CACNA1D: variants seen among roughly 807,000 people sequenced by gnomAD.
CACNA1D encodes the protein calcium voltage-gated channel subunit alpha1 D.
CACNA1D carries 55 observed loss-of-function variants against 257.1 expected under a neutral mutation model. The observed-to-expected ratio is 0.21, with a 90% CI of 0.17 to 0.27. The LOEUF (loss-of-function observed/expected upper bound fraction) is 0.27, where lower values mean the gene tolerates loss of function less well. Among genes scored for constraint, CACNA1D ranks in the 10% least tolerant of loss-of-function variants. The pLI is 1.00. For synonymous variants in CACNA1D, 980 were observed against 1,014.9 expected, an observed-to-expected ratio of 0.97 and a Z score of 0.65; for missense variants, 1,876 against 2,784.0, an observed-to-expected ratio of 0.67 and a Z score of 7.34.
intron 3 of CACNA1D, among the ~76,000 whole-genome samples, chr3:53,520,857 T>C (rs1172747095): frequency 2.6e-5 from 2 of 77,914 alleles, no homozygotes; most frequent in Non-Finnish European, 4.9e-5. Flanking sequence ...CTCCTTTCTT[T>C]CTTTCTTTCT....
intron 3 of CACNA1D, among the ~76,000 whole-genome samples, chr3:53,507,072 CAAAAAAAAAAA>C (rs781421977): frequency 3.5e-5 from 2 of 56,706 alleles, no homozygotes; most frequent in East Asian, 5.1e-4. Context: ...GACTCTATCT[CAAAAAAAAAAA>C]AAAAAAAAAA....
At chr3:53,787,789 G>A (rs910960772) in intron 40 of CACNA1D, among the ~76,000 whole-genome samples, 1 of 152,170 alleles carries the variant, frequency 6.6e-6, no homozygotes, top group African/African-American at 2.4e-5. Context: ...GAAGGAGGCA[G>A]GGCAAAGAGG....
Position 53,495,061 on chromosome 3 carries a change from G to A in CACNA1D, c.-106G>A, listed in dbSNP as rs907635150. 6.2e-6 allele frequency: 4 copies of A among 640,536 alleles called. No individual in the cohort carries two copies. The African/African-American group carries it at 7.5e-5, about 12-fold the overall frequency. 39.7% of individuals were successfully genotyped at this position (640,536 alleles called of 1,614,324 possible). A position where few individuals can be genotyped will look rare whatever the true frequency, so the allele number is the denominator to read the frequency against. On this transcript the variant is annotated 5_prime_UTR_variant, in exon 1 of 48. Coordinates refer to ENST00000350061, the MANE Select transcript of CACNA1D (RefSeq NM_001128840.3). The surrounding 1 kb of genome is among the most constrained non-coding windows in gnomAD (Gnocchi z 5.1). ...CCCTGCTGAAGCGAGAATAAGGGCAGGGACCGCGGCTCCTACCTCTTGGTG... is the reference window on the plus strand; with the variant it reads ...CCCTGCTGAAGCGAGAATAAGGGCAAGGACCGCGGCTCCTACCTCTTGGTG...
intron 10 of CACNA1D, chr3:53,718,596 C>CCCCCCCCCCCCT: frequency 1.1e-6 from 1 of 951,842 alleles, no homozygotes; most frequent in Non-Finnish European, 1.6e-6. Flanking sequence ...CCCCGCCCCC[C>CCCCCCCCCCCCT]GGCCCAGCAT....
At chr3:53,657,817 A>T (rs571016235) in intron 4 of CACNA1D, among the ~76,000 whole-genome samples, 11 of 152,342 alleles carry the variant, frequency 7.2e-5, no homozygotes, top group African/African-American at 2.6e-4. Flanking sequence ...TTTTGTCAAG[A>T]TTCCCAATAG....
At chr3:53,626,423 C>T (rs1219872475) in intron 3 of CACNA1D, among the ~76,000 whole-genome samples, 1 of 152,124 alleles carries the variant, frequency 6.6e-6, no homozygotes, top group East Asian at 1.9e-4. Flanking sequence ...ATAACAGGTG[C>T]CGTGTGCATT....
intron 3 of CACNA1D, among the ~76,000 whole-genome samples, chr3:53,599,630 G>C (rs1576033717): frequency 6.6e-6 from 1 of 152,160 alleles, no homozygotes; most frequent in East Asian, 1.9e-4. Context: ...TTATAAAATG[G>C]GCATAATATC....
intron 3 of CACNA1D, among the ~76,000 whole-genome samples, chr3:53,502,052 C>CTTTTTTTTTTTTTTTTTTTTTT (rs750904996): frequency 7.4e-6 from 1 of 135,376 alleles, no homozygotes. Flanking sequence ...TTTTTCTTTT[C>CTTTTTTTTTTTTTTTTTTTTTT]TTTTTTTTTT....
At chr3:53,557,812 A>G (rs951994898) in intron 3 of CACNA1D, among the ~76,000 whole-genome samples, 1 of 152,082 alleles carries the variant, frequency 6.6e-6, no homozygotes, top group Non-Finnish European at 1.5e-5. Context: ...CCAGTTTCTT[A>G]TTTCTCAAAT....
rs754438931 is a variant in CACNA1D, at chr3:53,793,566, A to G, written c.4923+6614A>G. On this transcript the variant is annotated intron_variant, in intron 40 of 47. Coordinates refer to ENST00000350061, the MANE Select transcript of CACNA1D (RefSeq NM_001128840.3). The surrounding 1 kb of genome is among the most constrained non-coding windows in gnomAD (Gnocchi z 4.1). The stretch of plus-strand genomic sequence containing the variant: ...CATGTGCCTTCTCCACGCTCCTCAA[A>G]TAAGTAAAAACTGACAAGTGACCAC... 6.6e-6 allele frequency among the ~76,000 whole-genome samples: 1 copy of G among 152,198 alleles called. No homozygotes were observed. The highest frequency in any genetic ancestry group is 1.5e-5 in the Non-Finnish European group (1 of 68,036).
chr3:53,788,331 C>A (rs564113792), intron 40 of CACNA1D, among the ~76,000 whole-genome samples: 1 of 152,278 alleles, frequency 6.6e-6, no homozygotes, highest in South Asian at 2.1e-4. Flanking sequence ...GATCTTCCTG[C>A]CTCTCATCAC....
intron 3 of CACNA1D, among the ~76,000 whole-genome samples, chr3:53,601,631 A>G (rs1366568049): frequency 6.6e-6 from 1 of 152,238 alleles, no homozygotes; most frequent in Non-Finnish European, 1.5e-5. Flanking sequence ...ACGTATGTAA[A>G]TCATGGTGGT....
chr3:53,781,609 G>T lies in CACNA1D; in HGVS notation c.4734G>T (p.Lys1578Asn). ...ATGAAGAACTTCGGGCTGTGATAAA[G>T]AAAATTTGGAAGAAAACCAGCATGA... ...QANEELRAVI[K>N]KIWKKTSMKL... Residue 1578 changes from lysine (K) to asparagine (N), a missense_variant, in exon 39 of 48, where the codon AAG (lysine) becomes AAT (asparagine). Physicochemically the swap from Lys to Asn is moderately conservative, Grantham distance 94. This residue lies in a region of CACNA1D where 160 missense variants were observed against 236.6 expected (regional missense o/e 0.68). Coordinates refer to ENST00000350061, the MANE Select transcript of CACNA1D (RefSeq NM_001128840.3). The T allele has an allele frequency of 6.2e-7, 1 of 1,614,172 alleles. No individual in the cohort carries two copies. The highest frequency in any genetic ancestry group is 8.5e-7 in the Non-Finnish European group (1 of 1,179,984).
chr3:53,716,088 T>TAG (rs1434414131), intron 9 of CACNA1D, among the ~76,000 whole-genome samples: 18 of 152,378 alleles, frequency 1.2e-4, no homozygotes, highest in African/African-American at 4.3e-4. Flanking sequence ...CACAAAGACT[T>TAG]AGTCTTTTCA....
chr3:53,786,924 C>T lies in CACNA1D; in HGVS notation c.4895C>T (p.Pro1632Leu). Residue 1632 changes from proline (P) to leucine (L), a missense_variant, in exon 40 of 48, where the codon CCT becomes CTT. Coordinates refer to ENST00000350061, the MANE Select transcript of CACNA1D (RefSeq NM_001128840.3). ...GAACAAGGACTGGTGGGAAAGTACC[C>T]TGCGAAGAACACCACAATTGCCCTA... ...RKEQGLVGKY[P>L]AKNTTIALQA... 1.2e-6 allele frequency: 2 copies of T among 1,614,126 alleles called. No homozygotes were observed. The highest frequency in any genetic ancestry group is 2.7e-5 in the African/African-American group (2 of 75,058).
At chr3:53,730,330 G>C (rs2094977579) in intron 15 of CACNA1D, 112 bp from the exon 16 acceptor site, 1 of 745,354 alleles carries the variant, frequency 1.3e-6, no homozygotes, top group Non-Finnish European at 2.5e-6. Flanking sequence ...TAACACTTGG[G>C]ACGGTCACTT....
chr3:53,719,369 A>C (rs959379010), intron 10 of CACNA1D, among the ~76,000 whole-genome samples: 14 of 151,998 alleles, frequency 9.2e-5, no homozygotes, highest in African/African-American at 2.9e-4. Flanking sequence ...TCCCATACTC[A>C]CCCAGTGGGA....
intron 3 of CACNA1D, among the ~76,000 whole-genome samples, chr3:53,539,112 T>TG (rs1559809975): frequency 1.3e-5 from 2 of 152,110 alleles, no homozygotes; most frequent in African/African-American, 4.8e-5. Flanking sequence ...AATTTTTTTT[T>TG]TTGTTGTTGT....
intron 3 of CACNA1D, among the ~76,000 whole-genome samples, chr3:53,627,272 G>T (rs1261000967): frequency 6.6e-6 from 1 of 152,202 alleles, no homozygotes; most frequent in African/African-American, 2.4e-5. Flanking sequence ...TCCCCTGGGT[G>T]AGATCCCAGA....
Sources: gnomAD v4.1 joint callset for allele counts (sites outside exome capture counted in the v4.1 genomes callset) on GRCh38, gnomAD v4.1.1 for gene constraint, gnomAD v4.1.1 regional missense constraint, Gnocchi (gnomAD v3.1) non-coding constraint, MANE v1.5 for transcripts, NCBI Gene and HGNC (gene_info 2026-07-23, HGNC 2026-07-21) for gene names.